Variants in GPR158 observed in about 807,000 individuals in gnomAD.
GPR158 encodes the protein G protein-coupled receptor 158, also known as metabotropic glycine receptor.
In GPR158, 30 loss-of-function variants were observed where a neutral mutation model predicts 78.2. The ratio of observed to expected loss-of-function variants is 0.38; its 90% confidence interval spans 0.29 to 0.52. GPR158 has a LOEUF of 0.52. Among genes scored for constraint, GPR158 ranks in the 20% least tolerant of loss-of-function variants. GPR158 has a pLI of 0.83. For synonymous variants in GPR158, 581 were observed against 591.1 expected (o/e 0.98, Z 0.25); for missense variants, 1,463 against 1,523.5 (o/e 0.96, Z 0.66).
intron 4 of GPR158, among the ~76,000 whole-genome samples, chr10:25,433,355 C>T (rs1834938938): frequency 6.6e-6 from 1 of 151,996 alleles, no homozygotes; most frequent in Admixed American, 6.6e-5. Flanking sequence ...TGCCAGATGC[C>T]TCATTCTTGC....
chr10:25,292,753 A>G (rs1854458370), intron 2 of GPR158, among the ~76,000 whole-genome samples: 1 of 152,174 alleles, frequency 6.6e-6, no homozygotes, highest in Non-Finnish European at 1.5e-5. Context: ...CCACATACAC[A>G]CACACATTTA....
chr10:25,228,603 T>C (rs1411960670), intron 2 of GPR158, among the ~76,000 whole-genome samples: 2 of 152,164 alleles, frequency 1.3e-5, no homozygotes, highest in Admixed American at 1.3e-4. Flanking sequence ...AAGTGATGAT[T>C]GTAAGAAAGG....
chr10:25,500,306 AAG>A (rs1401948133), intron 5 of GPR158, among the ~76,000 whole-genome samples: 1 of 152,212 alleles, frequency 6.6e-6, no homozygotes, highest in Non-Finnish European at 1.5e-5. Context: ...TTTTATACAA[AAG>A]AATTCATGTA....
intron 2 of GPR158, among the ~76,000 whole-genome samples, chr10:25,361,076 C>T (rs577725653): frequency 2.6e-5 from 4 of 151,928 alleles, no homozygotes; most frequent in African/African-American, 9.6e-5. Flanking sequence ...CATTCAACAA[C>T]AACTCTCTTT....
intron 10 of GPR158, among the ~76,000 whole-genome samples, chr10:25,597,200 T>C (rs963383226): frequency 1.3e-5 from 2 of 152,226 alleles, no homozygotes; most frequent in African/African-American, 4.8e-5. Flanking sequence ...TGACGACATA[T>C]CAGCATCTGA....
intron 2 of GPR158, among the ~76,000 whole-genome samples, chr10:25,340,617 A>C (rs1855289128): frequency 6.6e-6 from 1 of 152,078 alleles, no homozygotes; most frequent in African/African-American, 2.4e-5. Context: ...AGAGCGGATG[A>C]GATAGCTGGA....
At position 25,209,379 on chromosome 10, in the gene GPR158, G is replaced by GAAT. The variant is rs1223073827; in HGVS notation, c.903-11671_903-11669dup. 2.0e-5 allele frequency among the ~76,000 whole-genome samples: 3 copies of GAAT among 152,182 alleles called. No homozygotes were observed. The East Asian group carries it at 5.8e-4, about 29-fold the overall frequency. On this transcript the variant is annotated intron_variant, in intron 1 of 10. Transcript: ENST00000376351. ...CAATGCCACATTAGAGGGCTGAACA[G>GAAT]AATATAGAGTAACAGTGGTAATTCA...
intron 1 of GPR158, among the ~76,000 whole-genome samples, chr10:25,177,958 GTT>G (rs1262297574): frequency 1.3e-5 from 2 of 152,144 alleles, no homozygotes; most frequent in African/African-American, 4.8e-5. Context: ...TTGCCATACT[GTT>G]TGCTCAGAAG....
chr10:25,344,610 C>G (rs1855348056), intron 2 of GPR158, among the ~76,000 whole-genome samples: 1 of 151,922 alleles, frequency 6.6e-6, no homozygotes, highest in Non-Finnish European at 1.5e-5. Flanking sequence ...ATACTGAAGT[C>G]TAAACATGAT....
intron 1 of GPR158, among the ~76,000 whole-genome samples, chr10:25,218,084 G>A (rs1251527436): frequency 2.6e-5 from 4 of 151,984 alleles, no homozygotes; most frequent in Admixed American, 2.0e-4. Context: ...CCCTTTCAGC[G>A]GCAGGATGCT....
chr10:25,230,523 C>G (rs984003920), intron 2 of GPR158, among the ~76,000 whole-genome samples: 1 of 152,062 alleles, frequency 6.6e-6, no homozygotes, highest in Non-Finnish European at 1.5e-5. Flanking sequence ...ACTTTGAAAC[C>G]TTACTTTTTG....
At chr10:25,366,846 A>G (rs1440425432) in intron 2 of GPR158, among the ~76,000 whole-genome samples, 2 of 19,492 alleles carry the variant, frequency 1.0e-4, no homozygotes, top group Admixed American at 3.4e-4. Context: ...AAACCTTTCT[A>G]TATGTTTATT....
At chr10:25,292,095 T>A (rs933238758) in intron 2 of GPR158, among the ~76,000 whole-genome samples, 1 of 151,900 alleles carries the variant, frequency 6.6e-6, no homozygotes, top group Non-Finnish European at 1.5e-5. Flanking sequence ...TATACATACA[T>A]GTTTACTACA....
chr10:25,252,401 A>G (rs937380638), intron 2 of GPR158, among the ~76,000 whole-genome samples: 7 of 151,938 alleles, frequency 4.6e-5, no homozygotes, highest in Admixed American at 2.0e-4. Flanking sequence ...TGATTTTTAG[A>G]GCTTCCAGTT....
chr10:25,598,150 G>A lies in GPR158; in HGVS notation c.2524G>A (p.Glu842Lys). ...CCTACCCACAGAAAGCCAAGAGGAGGAGACAACAGAAAATTCCACACTGGA... is the reference window on the plus strand; with the variant it reads ...CCTACCCACAGAAAGCCAAGAGGAGAAGACAACAGAAAATTCCACACTGGA... ...SSLPTESQEE[E>K]TTENSTLESL... Residue 842 changes from glutamate to lysine, a missense_variant, in exon 11 of 11, where the codon GAG becomes AAG. Physicochemically the swap from Glu to Lys is moderately conservative, Grantham distance 56. Transcript: ENST00000376351. 6.2e-7 allele frequency: 1 copy of A among 1,614,144 alleles called. No individual in the cohort carries two copies.
At chr10:25,341,598 G>A (rs140226108) in intron 2 of GPR158, among the ~76,000 whole-genome samples, 2,495 of 151,922 alleles carry the variant, frequency 0.016, 28 homozygotes, top group Non-Finnish European at 0.024. Flanking sequence ...TATTGCAGTG[G>A]GAGTGCCCAT....
chr10:25,246,728 A>C (rs1330177279), intron 2 of GPR158, among the ~76,000 whole-genome samples: 1 of 152,196 alleles, frequency 6.6e-6, no homozygotes, highest in African/African-American at 2.4e-5. Context: ...GCAATTAATA[A>C]TGACTCCTTC....
At chr10:25,439,312 A>T (rs144629887) in intron 4 of GPR158, among the ~76,000 whole-genome samples, 58 of 152,286 alleles carry the variant, frequency 3.8e-4, no homozygotes, top group African/African-American at 1.4e-3. Flanking sequence ...AAATTGTCAG[A>T]TCTCATGAGA....
intron 5 of GPR158, among the ~76,000 whole-genome samples, chr10:25,514,898 G>T (rs1379804262): frequency 6.6e-6 from 1 of 152,104 alleles, no homozygotes; most frequent in African/African-American, 2.4e-5. Flanking sequence ...TAACTTGATA[G>T]ATTTTCCTTT....
Sources: gnomAD v4.1 joint callset for allele counts (sites outside exome capture counted in the v4.1 genomes callset) on GRCh38, gnomAD v4.1.1 for gene constraint, MANE v1.5 for transcripts, NCBI Gene and HGNC (gene_info 2026-07-23, HGNC 2026-07-21) for gene names.